The following TBC1D5 variants were observed in gnomAD, a reference collection of about 807,000 sequenced individuals.
TBC1D5 encodes the protein TBC1 domain family, member 5.
In TBC1D5, 75 loss-of-function variants were observed where a neutral mutation model predicts 100.3. That is an observed-to-expected ratio of 0.75 (90% confidence interval 0.62 to 0.91). TBC1D5 has a LOEUF of 0.91. Ranked by LOEUF, TBC1D5 falls within the 40% of genes least tolerant of loss-of-function variation. TBC1D5 has a pLI of 0.00. For synonymous variants in TBC1D5, 323 were observed against 325.6 expected (o/e 0.99, Z 0.09); for missense variants, 910 against 942.4 (o/e 0.97, Z 0.45).
intron 2 of TBC1D5, among the ~76,000 whole-genome samples, chr3:17,537,432 A>C (rs1021859980): frequency 5.9e-5 from 9 of 152,132 alleles, no homozygotes; most frequent in Admixed American, 5.2e-4. Flanking sequence ...CCTTCCAATC[A>C]TGATGGAGAA....
At chr3:17,608,774 G>C (rs1314296761) in intron 2 of TBC1D5, among the ~76,000 whole-genome samples, 4 of 152,008 alleles carry the variant, frequency 2.6e-5, no homozygotes, top group African/African-American at 9.7e-5. Context: ...CCAGATCATG[G>C]GGGGTTGAGG....
chr3:17,207,060 A>T (rs7646557), intron 18 of TBC1D5, among the ~76,000 whole-genome samples: 152,278 of 152,278 alleles, frequency 1, 76,139 homozygotes, highest in Non-Finnish European at 1. Flanking sequence ...TCAGCCTCCC[A>T]AGTAGCTGGG....
intron 3 of TBC1D5, among the ~76,000 whole-genome samples, chr3:17,492,696 A>C (rs888184636): frequency 3.9e-5 from 6 of 152,170 alleles, no homozygotes; most frequent in African/African-American, 1.4e-4. Flanking sequence ...TTGGCCTCCC[A>C]AAGTACTGGG....
chr3:17,535,904 A>G (rs1050481665), intron 2 of TBC1D5, among the ~76,000 whole-genome samples: 11 of 152,194 alleles, frequency 7.2e-5, no homozygotes, highest in African/African-American at 2.4e-4. Flanking sequence ...AAAAAATCAT[A>G]AATTTTTAAA....
rs771556541 is a variant in TBC1D5 at position 17,258,505 on chromosome 3, C to T, written c.1331+1G>A. Reference sequence around the variant, plus strand: ...ACTATCATCAGAAAAAGGGGACTTACCGGCTTTTATTCATGAGGTCTGCTC... The same window carrying T: ...ACTATCATCAGAAAAAGGGGACTTATCGGCTTTTATTCATGAGGTCTGCTC... On this transcript the variant is annotated splice_donor_variant, in intron 16 of 21. Coordinates refer to ENST00000253692, the Ensembl canonical transcript of TBC1D5. LOFTEE classifies it high-confidence loss of function. 2 of 1,609,706 alleles carry T rather than the reference C, an allele frequency of 1.2e-6. No homozygotes were observed. The highest frequency in any genetic ancestry group is 1.7e-6 in the Non-Finnish European group (2 of 1,178,274).
chr3:17,404,694 C>T, exon 7 of TBC1D5: 1 of 1,597,642 alleles, frequency 6.3e-7, no homozygotes, highest in South Asian at 1.1e-5. Flanking sequence ...CGAACTTTAC[C>T]CCTTCATCCT....
chr3:17,389,996 T>C (rs1361900803), intron 8 of TBC1D5, among the ~76,000 whole-genome samples: 1 of 152,150 alleles, frequency 6.6e-6, no homozygotes, highest in Admixed American at 6.5e-5. Context: ...GTACAATTCA[T>C]ATAATTTTTA....
chr3:17,605,614 T>C (rs1197018833), intron 2 of TBC1D5, among the ~76,000 whole-genome samples: 1 of 152,180 alleles, frequency 6.6e-6, no homozygotes, highest in African/African-American at 2.4e-5. Context: ...CCAGAAAATT[T>C]GATCATGCAG....
intron 4 of TBC1D5, among the ~76,000 whole-genome samples, chr3:17,422,838 T>C (rs1315590057): frequency 1.3e-5 from 2 of 152,158 alleles, no homozygotes; most frequent in African/African-American, 4.8e-5. Flanking sequence ...ATTGATTATA[T>C]GCAACTAAGA....
At chr3:17,555,533 A>C (rs2096510917) in intron 2 of TBC1D5, among the ~76,000 whole-genome samples, 1 of 152,170 alleles carries the variant, frequency 6.6e-6, no homozygotes, top group African/African-American at 2.4e-5. Context: ...TTCTCCTATT[A>C]AATCTTTAAA....
intron 18 of TBC1D5, among the ~76,000 whole-genome samples, chr3:17,208,908 C>T (rs1391796011): frequency 1.3e-5 from 2 of 152,168 alleles, no homozygotes; most frequent in South Asian, 2.1e-4. Context: ...TATGCCAATA[C>T]ATTCTACTTT....
intron 13 of TBC1D5, among the ~76,000 whole-genome samples, chr3:17,340,969 C>A (rs1310830735): frequency 6.6e-6 from 1 of 152,146 alleles, no homozygotes; most frequent in African/African-American, 2.4e-5. Flanking sequence ...CAACTTACAA[C>A]GTTCTGAAAA....
chr3:17,358,773 T>A (rs1335805268), intron 13 of TBC1D5, among the ~76,000 whole-genome samples: 1 of 152,194 alleles, frequency 6.6e-6, no homozygotes, highest in South Asian at 2.1e-4. Flanking sequence ...ATTAAAAAAT[T>A]CGAGTATTTT....
At chr3:17,691,437 T>A (rs1010176208) in intron 1 of TBC1D5, among the ~76,000 whole-genome samples, 3 of 152,216 alleles carry the variant, frequency 2.0e-5, no homozygotes, top group Non-Finnish European at 2.9e-5. Flanking sequence ...ATAAATTTCA[T>A]AGGAGATCCA....
At chr3:17,311,422 C>A (rs1482964078) in intron 13 of TBC1D5, among the ~76,000 whole-genome samples, 2 of 151,848 alleles carry the variant, frequency 1.3e-5, no homozygotes, top group Non-Finnish European at 2.9e-5. Flanking sequence ...AATAAACACC[C>A]AAAGACAGGA....
intron 15 of TBC1D5, among the ~76,000 whole-genome samples, chr3:17,287,491 G>A (rs1336037713): frequency 6.6e-6 from 1 of 152,194 alleles, no homozygotes; most frequent in Non-Finnish European, 1.5e-5. Flanking sequence ...AGATAGAACA[G>A]TCATGATGCC....
intron 13 of TBC1D5, among the ~76,000 whole-genome samples, chr3:17,317,397 G>C (rs1285976437): frequency 2.6e-5 from 4 of 152,094 alleles, no homozygotes; most frequent in Non-Finnish European, 5.9e-5. Context: ...TGAAGGGAAA[G>C]GGCAGTCAAC....
At chr3:17,453,562 T>C (rs1264701449) in intron 3 of TBC1D5, among the ~76,000 whole-genome samples, 1 of 152,076 alleles carries the variant, frequency 6.6e-6, no homozygotes, top group East Asian at 1.9e-4. Context: ...GAGGAAATGT[T>C]TAAATTCCTA....
At chr3:17,371,376 A>C (rs2092449613) in intron 13 of TBC1D5, among the ~76,000 whole-genome samples, 1 of 152,194 alleles carries the variant, frequency 6.6e-6, no homozygotes, top group African/African-American at 2.4e-5. Flanking sequence ...ATCTGCTGTT[A>C]CCAGCTTGAA....
Sources: gnomAD v4.1 joint callset for allele counts (sites outside exome capture counted in the v4.1 genomes callset) on GRCh38, gnomAD v4.1.1 for gene constraint, MANE v1.5 for transcripts, NCBI Gene and HGNC (gene_info 2026-07-23, HGNC 2026-07-21) for gene names.